Variants in MAP2 observed in about 807,000 individuals in gnomAD.
The protein encoded by MAP2 is microtubule-associated protein 2.
A neutral mutation model predicts 137.6 loss-of-function variants in MAP2; 14 were observed. The observed-to-expected ratio is 0.10, with a 90% CI of 0.07 to 0.16. MAP2 has a LOEUF of 0.16. Among genes scored for constraint, MAP2 ranks in the 10% least tolerant of loss-of-function variants. MAP2 has a pLI of 1.00. For missense variants in MAP2, 2,088 were observed against 2,191.5 expected (o/e 0.95, Z 0.94); for synonymous variants, 786 against 782.3 (o/e 1.00, Z -0.08).
At chr2:209,655,797 C>T (rs2095103694) in intron 5 of MAP2, among the ~76,000 whole-genome samples, 1 of 152,196 alleles carries the variant, frequency 6.6e-6, no homozygotes, top group South Asian at 2.1e-4. Flanking sequence ...AAGGATATTT[C>T]TCAGGACACT....
chr2:209,602,154 T>C (rs555766582), intron 3 of MAP2, among the ~76,000 whole-genome samples: 136 of 152,346 alleles, frequency 8.9e-4, no homozygotes, highest in African/African-American at 2.5e-3. Context: ...AGTTTTTTAG[T>C]TCGAACAAGA....
intron 15 of MAP2, 97 bp downstream of exon 15, chr2:209,730,059 A>G (rs1286862873): frequency 3.4e-6 from 4 of 1,160,228 alleles, no homozygotes; most frequent in Non-Finnish European, 5.1e-6. Flanking sequence ...GACCTGGACA[A>G]ATAAGAAGTG....
intron 1 of MAP2, among the ~76,000 whole-genome samples, chr2:209,493,714 A>G (rs2059406725): frequency 6.6e-6 from 1 of 152,252 alleles, no homozygotes; most frequent in Non-Finnish European, 1.5e-5. Flanking sequence ...AGAGAAAAGC[A>G]AATCAAAACC....
chr2:209,676,489 C>T (rs925313846), intron 5 of MAP2, among the ~76,000 whole-genome samples: 6 of 151,464 alleles, frequency 4.0e-5, no homozygotes, highest in Admixed American at 2.0e-4. Flanking sequence ...GCCCCCATGA[C>T]ACAAGTTTAT....
intron 1 of MAP2, among the ~76,000 whole-genome samples, chr2:209,478,062 A>T (rs1707781519): frequency 6.6e-6 from 1 of 152,204 alleles, no homozygotes; most frequent in Non-Finnish European, 1.5e-5. Context: ...TATTGTATTA[A>T]GAAAGTGCTA....
intron 7 of MAP2, among the ~76,000 whole-genome samples, chr2:209,687,976 GT>G (rs1361296941): frequency 6.6e-6 from 1 of 152,100 alleles, no homozygotes; most frequent in Non-Finnish European, 1.5e-5. Context: ...ACCAAGCATG[GT>G]CCCCTTTTGC....
intron 14 of MAP2, among the ~76,000 whole-genome samples, chr2:209,726,872 G>A (rs1250148745): frequency 6.6e-6 from 1 of 152,178 alleles, no homozygotes; most frequent in African/African-American, 2.4e-5. Context: ...AGAACAAAAG[G>A]AAAGCAAATG....
chr2:209,661,478 TGCAGA>T (rs1461131189), intron 5 of MAP2: 7 of 982,666 alleles, frequency 7.1e-6, no homozygotes, highest in Non-Finnish European at 8.5e-6. Flanking sequence ...GAGAGGAGTG[TGCAGA>T]GCAGAGTTAT....
chr2:209,434,863 T>TTA lies in MAP2; in HGVS notation c.-222+10595_-222+10596dup, dbSNP rs58339476. On this transcript the variant is annotated intron_variant, in intron 1 of 15. Coordinates refer to ENST00000682079, the MANE Select transcript of MAP2 (RefSeq NM_001375505.1). ...TATATATATATGTTATATATATATG[T>TTA]TATATATATGTTATATATATGTTAT... 6.4e-3 allele frequency among the ~76,000 whole-genome samples: 613 copies of TTA among 96,508 alleles called. 26 individuals carry two copies. Among genetic ancestry groups the TTA allele is most frequent in the African/African-American group, 0.019 (506 of 27,172 alleles). 63.3% of individuals were successfully genotyped at this position (96,508 alleles called of 152,430 possible). A position where few individuals can be genotyped will look rare whatever the true frequency, so the allele number is the denominator to read the frequency against.
chr2:209,678,989 T>C (rs746201980), intron 6 of MAP2, among the ~76,000 whole-genome samples: 5 of 152,134 alleles, frequency 3.3e-5, no homozygotes, highest in Non-Finnish European at 5.9e-5. Context: ...GCCAATGCCT[T>C]ATTTCATGAC....
At chr2:209,536,805 A>G (rs999303678) in intron 2 of MAP2, among the ~76,000 whole-genome samples, 1 of 152,206 alleles carries the variant, frequency 6.6e-6, no homozygotes. Flanking sequence ...ATGTCTAAGC[A>G]CTAAGTGGTC....
At chr2:209,517,597 C>A (rs932654027) in intron 2 of MAP2, among the ~76,000 whole-genome samples, 2 of 151,670 alleles carry the variant, frequency 1.3e-5, no homozygotes, top group African/African-American at 4.8e-5. Flanking sequence ...CTCGTAAAGC[C>A]CACATTATTG....
At chr2:209,691,538 G>A (rs2058898718) in intron 7 of MAP2, among the ~76,000 whole-genome samples, 2 of 152,128 alleles carry the variant, frequency 1.3e-5, no homozygotes, top group African/African-American at 4.8e-5. Flanking sequence ...TGCTCTTTTA[G>A]AGATGATTGA....
At position 209,541,045 on chromosome 2, in the gene MAP2, T is replaced by A. The variant is rs906776987; in HGVS notation, c.-172+33404T>A. Among the ~76,000 whole-genome samples the A allele has an allele frequency of 9.6e-4, 145 of 151,266 alleles. 3 individuals carry two copies. Among genetic ancestry groups the A allele is most frequent in the Non-Finnish European group, 1.4e-3 (92 of 68,014 alleles). Reference sequence around the variant, plus strand: ...TAAAAATACTAATGATTTTTTCGTTTTTTGAGACGGAGTCTTATTCTGTCA... The same window carrying A: ...TAAAAATACTAATGATTTTTTCGTTATTTGAGACGGAGTCTTATTCTGTCA... On this transcript the variant is annotated intron_variant, in intron 2 of 15. Coordinates refer to ENST00000682079, the MANE Select transcript of MAP2 (RefSeq NM_001375505.1).
At chr2:209,652,836 A>T (rs1450951352) in intron 4 of MAP2, among the ~76,000 whole-genome samples, 1 of 151,964 alleles carries the variant, frequency 6.6e-6, no homozygotes, top group Non-Finnish European at 1.5e-5. Context: ...AATGCCAAAC[A>T]CTAGTTTTTT....
intron 1 of MAP2, among the ~76,000 whole-genome samples, chr2:209,481,013 A>G (rs564750508): frequency 5.4e-4 from 82 of 152,182 alleles, no homozygotes; most frequent in Non-Finnish European, 1.0e-3. Flanking sequence ...CTTCGAGGTT[A>G]CAAGATTGTT....
At chr2:209,441,040 AATC>A (rs1227430439) in intron 1 of MAP2, among the ~76,000 whole-genome samples, 2 of 151,582 alleles carry the variant, frequency 1.3e-5, no homozygotes, top group East Asian at 3.9e-4. Context: ...TGTGTGCTAA[AATC>A]ATCATTTATG....
At chr2:209,502,204 C>T (rs2060463535) in intron 1 of MAP2, among the ~76,000 whole-genome samples, 1 of 152,124 alleles carries the variant, frequency 6.6e-6, no homozygotes, top group Non-Finnish European at 1.5e-5. Flanking sequence ...GTTTAGTCAT[C>T]CTGTATAATT....
At chr2:209,474,580 TAAGA>T (rs1360820932) in intron 1 of MAP2, among the ~76,000 whole-genome samples, 1 of 152,006 alleles carries the variant, frequency 6.6e-6, no homozygotes, top group Non-Finnish European at 1.5e-5. Context: ...AGTATTGTTA[TAAGA>T]AAGAAAGAGA....
Sources: allele counts gnomAD v4.1 joint callset (sites outside exome capture counted in the v4.1 genomes callset), GRCh38; gene constraint gnomAD v4.1.1; transcripts MANE v1.5; gene names NCBI Gene and HGNC (gene_info 2026-07-23, HGNC 2026-07-21).